Variants in FHIT observed in about 807,000 individuals in gnomAD.
The protein encoded by FHIT is fragile histidine triad diadenosine triphosphatase.
Under a neutral mutation model 17.9 loss-of-function variants are expected in FHIT, and 19 were observed. The ratio of observed to expected loss-of-function variants is 1.06; its 90% CI spans 0.74 to 1.56. FHIT has a LOEUF of 1.56. Ranked by LOEUF, FHIT falls within the 40% of genes most tolerant of loss-of-function variation. FHIT has a pLI of 0.00. For synonymous variants in FHIT, 81 were observed against 69.7 expected, an observed-to-expected ratio of 1.16 and a Z score of -0.81; for missense variants, 248 against 189.2, an observed-to-expected ratio of 1.31 and a Z score of -1.82.
intron 5 of FHIT, among the ~76,000 whole-genome samples, chr3:60,088,589 C>A (rs1383423892): frequency 6.6e-6 from 1 of 152,188 alleles, no homozygotes; most frequent in Non-Finnish European, 1.5e-5. Flanking sequence ...TTTCCACAAT[C>A]AGAGGAGAAC....
chr3:60,524,744 G>A (rs922318650), intron 5 of FHIT, among the ~76,000 whole-genome samples: 1 of 152,102 alleles, frequency 6.6e-6, no homozygotes, highest in African/African-American at 2.4e-5. Context: ...ATCATGTTGT[G>A]TCCTCCTTTT....
At chr3:61,099,419 C>T (rs952901812) in intron 2 of FHIT, among the ~76,000 whole-genome samples, 1 of 152,060 alleles carries the variant, frequency 6.6e-6, no homozygotes, top group African/African-American at 2.4e-5. Flanking sequence ...TATCAGGATG[C>T]TGCTGGCCTC....
chr3:59,798,657 T>C (rs1467296949), intron 8 of FHIT, among the ~76,000 whole-genome samples: 1 of 152,216 alleles, frequency 6.6e-6, no homozygotes, highest in Non-Finnish European at 1.5e-5. Context: ...GTGCAAACAG[T>C]ATAGGCTTTG....
chr3:61,088,183 G>T (rs1046921264), intron 2 of FHIT, among the ~76,000 whole-genome samples: 1 of 152,148 alleles, frequency 6.6e-6, no homozygotes, highest in East Asian at 1.9e-4. Context: ...GCCCACCTCT[G>T]TGGATCAGGG....
chr3:60,736,133 G>T (rs918619069), intron 4 of FHIT, among the ~76,000 whole-genome samples: 1 of 152,160 alleles, frequency 6.6e-6, no homozygotes, highest in East Asian at 1.9e-4. Flanking sequence ...TGATCAAAAA[G>T]ATAGACAATA....
chr3:60,083,996 T>G (rs17062116), intron 5 of FHIT, among the ~76,000 whole-genome samples: 3,414 of 152,258 alleles, frequency 0.022, 96 homozygotes, highest in African/African-American at 0.076. Context: ...GGCACGTTTA[T>G]GTATTGACAA....
intron 2 of FHIT, among the ~76,000 whole-genome samples, chr3:61,179,519 G>A (rs192723232): frequency 3.3e-5 from 5 of 151,776 alleles, no homozygotes; most frequent in East Asian, 1.9e-4. Flanking sequence ...GACCAGCCTG[G>A]GCAACAATAA....
intron 8 of FHIT, among the ~76,000 whole-genome samples, chr3:59,911,738 A>T (rs1011238502): frequency 6.6e-6 from 1 of 152,206 alleles, no homozygotes; most frequent in Non-Finnish European, 1.5e-5. Context: ...AGGTTTTGAC[A>T]GGAGGCAGGC....
At chr3:60,070,938 A>G (rs948220087) in intron 5 of FHIT, among the ~76,000 whole-genome samples, 1 of 152,240 alleles carries the variant, frequency 6.6e-6, no homozygotes, top group Non-Finnish European at 1.5e-5. Flanking sequence ...AGGTCCATCT[A>G]CCTGATGACA....
chr3:61,049,410 A>T (rs1009558646), intron 2 of FHIT, among the ~76,000 whole-genome samples: 7 of 152,100 alleles, frequency 4.6e-5, no homozygotes, highest in Non-Finnish European at 7.4e-5. Flanking sequence ...ACAACTAGAA[A>T]ACTGCTATTT....
At chr3:60,851,622 T>C (rs1703157332) in intron 3 of FHIT, among the ~76,000 whole-genome samples, 1 of 152,126 alleles carries the variant, frequency 6.6e-6, no homozygotes. Context: ...GCAACTCAAT[T>C]ATATTTAAGA....
intron 4 of FHIT, among the ~76,000 whole-genome samples, chr3:60,555,399 A>C (rs1296600938): frequency 6.6e-6 from 1 of 152,214 alleles, no homozygotes; most frequent in African/African-American, 2.4e-5. Context: ...ACATTAAATA[A>C]AAGACGAATT....
At chr3:59,845,456 G>A (rs1701684275) in intron 8 of FHIT, among the ~76,000 whole-genome samples, 1 of 151,936 alleles carries the variant, frequency 6.6e-6, no homozygotes, top group East Asian at 1.9e-4. Flanking sequence ...ACTTCCATAT[G>A]TTTGGATATG....
chr3:60,467,276 TTC>T (rs1180893702), intron 5 of FHIT, among the ~76,000 whole-genome samples: 2 of 151,992 alleles, frequency 1.3e-5, no homozygotes, highest in Non-Finnish European at 2.9e-5. Context: ...TCAATTTGAT[TTC>T]TTTTTTCAAA....
chr3:60,995,988 T>G (rs756279651), intron 3 of FHIT, among the ~76,000 whole-genome samples: 2 of 152,238 alleles, frequency 1.3e-5, no homozygotes, highest in Non-Finnish European at 2.9e-5. Context: ...AACACTTTAA[T>G]TTTAATTTAA....
intron 8 of FHIT, among the ~76,000 whole-genome samples, chr3:59,920,487 G>T (rs183531410): frequency 1.3e-5 from 2 of 152,318 alleles, no homozygotes; most frequent in East Asian, 3.9e-4. Context: ...ACAGGAGAGA[G>T]AGGCCATACA....
At chr3:60,849,691 C>G (rs946437944) in intron 3 of FHIT, among the ~76,000 whole-genome samples, 1 of 151,842 alleles carries the variant, frequency 6.6e-6, no homozygotes. Context: ...CTGCCATTTA[C>G]CTGTTGGGCA....
chr3:60,861,804 CT>C, intron 3 of FHIT, among the ~76,000 whole-genome samples: 1 of 151,830 alleles, frequency 6.6e-6, no homozygotes, highest in Non-Finnish European at 1.5e-5. Flanking sequence ...AAATATAATC[CT>C]TTTTTAAAAA....
At chr3:60,376,266 G>T (rs1036789719) in intron 5 of FHIT, among the ~76,000 whole-genome samples, 11 of 152,152 alleles carry the variant, frequency 7.2e-5, no homozygotes, top group African/African-American at 2.4e-4. Context: ...TATTCAAAGA[G>T]CTGCTGACTT....
Sources: gnomAD v4.1 joint callset for allele counts (sites outside exome capture counted in the v4.1 genomes callset) on GRCh38, gnomAD v4.1.1 for gene constraint, MANE v1.5 for transcripts, NCBI Gene and HGNC (gene_info 2026-07-23, HGNC 2026-07-21) for gene names.